The following PRIM1 variants were observed in gnomAD, a reference collection of about 807,000 sequenced individuals.
PRIM1 encodes the protein DNA primase subunit 1.
Under a neutral mutation model 60.2 loss-of-function variants are expected in PRIM1, and 38 were observed. The ratio of observed to expected loss-of-function variants is 0.63; its 90% CI spans 0.49 to 0.83. The LOEUF (loss-of-function observed/expected upper bound fraction) is 0.83. Ranked by LOEUF, PRIM1 falls within the 40% of genes least tolerant of loss-of-function variation. The pLI is 0.00. For missense variants in PRIM1, 388 were observed against 506.2 expected, an observed-to-expected ratio of 0.77 and a Z score of 2.24; for synonymous variants, 158 against 160.2, an observed-to-expected ratio of 0.99 and a Z score of 0.10.
At chr12:56,749,331 G>T (rs1485481388) in intron 2 of PRIM1, among the ~76,000 whole-genome samples, 8 of 152,082 alleles carry the variant, frequency 5.3e-5, no homozygotes, top group Admixed American at 5.2e-4. Context: ...TTTAAAAGCC[G>T]AATAGAAGTA....
intron 5 of PRIM1, among the ~76,000 whole-genome samples, chr12:56,745,714 G>A (rs1317245821): frequency 6.6e-6 from 1 of 152,052 alleles, no homozygotes; most frequent in Non-Finnish European, 1.5e-5. Flanking sequence ...TGAGGTGGGT[G>A]AATCACCTGA....
chr12:56,743,129 C>T (rs752505687), intron 6 of PRIM1, 33 bp from the exon 7 acceptor site: 1 of 1,492,224 alleles, frequency 6.7e-7, no homozygotes, highest in South Asian at 1.3e-5. Flanking sequence ...AGAGTCCCAA[C>T]ACTATCAGTA....
chr12:56,733,706 C>T (rs990608561), intron 12 of PRIM1, among the ~76,000 whole-genome samples: 3 of 151,780 alleles, frequency 2.0e-5, no homozygotes, highest in African/African-American at 4.8e-5. Context: ...TCTCATGTCT[C>T]GGCCTCCTGA....
chr12:56,742,266 C>T (rs1401664683), intron 7 of PRIM1, among the ~76,000 whole-genome samples: 1 of 151,178 alleles, frequency 6.6e-6, no homozygotes, highest in Non-Finnish European at 1.5e-5. Context: ...AACAAAACAA[C>T]CCACCCCACA....
At chr12:56,741,338 CAT>C (rs1205680217) in intron 9 of PRIM1, 95 bp downstream of exon 9, 5 of 1,273,208 alleles carry the variant, frequency 3.9e-6, no homozygotes, top group African/African-American at 1.5e-5. Flanking sequence ...ACCTTTAAAT[CAT>C]AGACATTATA....
chr12:56,737,403 G>A (rs935583730), intron 11 of PRIM1, among the ~76,000 whole-genome samples: 1 of 150,784 alleles, frequency 6.6e-6, no homozygotes, highest in African/African-American at 2.4e-5. Context: ...AGGCTGGAGT[G>A]CAATGGCGTG....
rs147281639 is a variant in PRIM1, at chr12:56,746,720, T to C, written c.442+61A>G. 1.1e-5 allele frequency: 15 copies of C among 1,411,626 alleles called. No homozygotes were observed. The African/African-American group carries it at 1.7e-4, about 16-fold the overall frequency. 87.4% of individuals were successfully genotyped at this position (1,411,626 alleles called of 1,614,324 possible). A position where few individuals can be genotyped will look rare whatever the true frequency, so the allele number is the denominator to read the frequency against. ...ACAAAATACAGAGACTAATAGTTAA[T>C]AGTAGTCAGAGGAAAACCGATTCTT... On this transcript the variant is annotated intron_variant, in intron 4 of 12. Transcript: ENST00000338193.
At chr12:56,746,714 AGTT>A (rs1953910643) in intron 4 of PRIM1, 64 bp downstream of exon 4, 1 of 1,331,026 alleles carries the variant, frequency 7.5e-7, no homozygotes, top group African/African-American at 1.4e-5. Flanking sequence ...AGAGACTAAT[AGTT>A]AATAGTAGTC....
At chr12:56,743,872 T>C in intron 6 of PRIM1, 193 bp downstream of exon 6, 2 of 449,660 alleles carry the variant, frequency 4.4e-6, no homozygotes, top group Admixed American at 3.7e-5. Flanking sequence ...TTGTGGGGTT[T>C]TTTTGAAGAG....
chr12:56,750,682 C>T (rs891657359), intron 2 of PRIM1, among the ~76,000 whole-genome samples: 2 of 151,740 alleles, frequency 1.3e-5, no homozygotes, highest in Non-Finnish European at 2.9e-5. Flanking sequence ...CTCCACCTCC[C>T]GGGTTCAAGC....
chr12:56,736,982 C>G (rs2137859205), intron 11 of PRIM1, among the ~76,000 whole-genome samples: 1 of 151,484 alleles, frequency 6.6e-6, no homozygotes, highest in South Asian at 2.1e-4. Flanking sequence ...GACAGGGTCT[C>G]TCTGTGTTGC....
chr12:56,748,882 G>A (rs566092249), intron 2 of PRIM1, among the ~76,000 whole-genome samples: 5 of 152,154 alleles, frequency 3.3e-5, no homozygotes, highest in South Asian at 2.1e-4. Flanking sequence ...ACTTGAAACC[G>A]GGAGGCAGAA....
intron 12 of PRIM1, among the ~76,000 whole-genome samples, chr12:56,732,911 A>G (rs1453488904): frequency 6.6e-6 from 1 of 151,420 alleles, no homozygotes; most frequent in Non-Finnish European, 1.5e-5. Context: ...CTGGAGTGCA[A>G]TGGTGCGATC....
intron 2 of PRIM1, among the ~76,000 whole-genome samples, chr12:56,750,258 C>T (rs1396470465): frequency 6.6e-6 from 1 of 152,168 alleles, no homozygotes; most frequent in Non-Finnish European, 1.5e-5. Flanking sequence ...TCTACAAAGG[C>T]AAACTGTTAG....
At chr12:56,735,459 A>G (rs1250747290) in intron 11 of PRIM1, among the ~76,000 whole-genome samples, 1 of 152,052 alleles carries the variant, frequency 6.6e-6, no homozygotes, top group Non-Finnish European at 1.5e-5. Context: ...CAGTGGTGCA[A>G]TTGCAGCTCA....
intron 12 of PRIM1, among the ~76,000 whole-genome samples, chr12:56,732,753 C>T (rs1201791862): frequency 7.6e-6 from 1 of 131,516 alleles, no homozygotes; most frequent in African/African-American, 2.7e-5. Context: ...GAATGAACAA[C>T]CCTTGGCCTT....
chr12:56,740,659 A>T (rs1163044416), intron 9 of PRIM1, among the ~76,000 whole-genome samples: 1 of 152,018 alleles, frequency 6.6e-6, no homozygotes, highest in Non-Finnish European at 1.5e-5. Flanking sequence ...AGTACCAGCT[A>T]CTCAGGAGGG....
At chr12:56,735,156 A>C (rs752907795) in intron 11 of PRIM1, among the ~76,000 whole-genome samples, 4 of 150,234 alleles carry the variant, frequency 2.7e-5, no homozygotes, top group Non-Finnish European at 5.9e-5. Context: ...GCTGGTATGC[A>C]GTGGTGCAAT....
intron 11 of PRIM1, among the ~76,000 whole-genome samples, chr12:56,736,748 C>T (rs988936832): frequency 2.6e-5 from 4 of 152,086 alleles, no homozygotes; most frequent in Non-Finnish European, 5.9e-5. Context: ...AGGTGATCCA[C>T]CCACCTTGAC....
Sources: allele counts gnomAD v4.1 joint callset (sites outside exome capture counted in the v4.1 genomes callset), GRCh38; gene constraint gnomAD v4.1.1; transcripts MANE v1.5; gene names NCBI Gene and HGNC (gene_info 2026-07-23, HGNC 2026-07-21).